Variants in NOVA1 observed in about 807,000 individuals in gnomAD.
NOVA1 encodes the protein NOVA alternative splicing regulator 1.
A neutral mutation model predicts 38.0 loss-of-function variants in NOVA1; 7 were observed. The observed-to-expected ratio is 0.18, with a 90% CI of 0.10 to 0.35. The LOEUF (loss-of-function observed/expected upper bound fraction) is 0.35, where lower values mean the gene tolerates loss of function less well. Among genes scored for constraint, NOVA1 ranks in the 10% least tolerant of loss-of-function variants. The probability of loss-of-function intolerance (pLI) is 1.00; values close to 1 mark genes in which losing one functional copy is unlikely to be tolerated. For missense variants in NOVA1, 460 were observed against 616.0 expected, an observed-to-expected ratio of 0.75 and a Z score of 2.68; for synonymous variants, 270 against 232.5, an observed-to-expected ratio of 1.16 and a Z score of -1.47.
chr14:26,474,386 T>C (rs1354535532), intron 3 of NOVA1, among the ~76,000 whole-genome samples: 1 of 152,016 alleles, frequency 6.6e-6, no homozygotes, highest in Non-Finnish European at 1.5e-5. Context: ...CAAAGAACCA[T>C]GTAGAAAAAG....
intron 4 of NOVA1, among the ~76,000 whole-genome samples, chr14:26,454,662 A>C (rs1291789478): frequency 6.6e-6 from 1 of 152,204 alleles, no homozygotes. Flanking sequence ...ACCAAAAAGT[A>C]CCTTTGAAAA....
intron 3 of NOVA1, among the ~76,000 whole-genome samples, chr14:26,478,093 T>C (rs1314815744): frequency 1.3e-5 from 2 of 151,922 alleles, no homozygotes; most frequent in Non-Finnish European, 2.9e-5. Context: ...AATAAATCAC[T>C]ATTATTTTTT....
chr14:26,468,920 A>G (rs1884366306), intron 4 of NOVA1, among the ~76,000 whole-genome samples: 1 of 152,196 alleles, frequency 6.6e-6, no homozygotes, highest in African/African-American at 2.4e-5. Flanking sequence ...GACTAAGGTT[A>G]AAACCAAAAT....
chr14:26,573,435 AT>A (rs1010163504), intron 2 of NOVA1, among the ~76,000 whole-genome samples: 3 of 152,126 alleles, frequency 2.0e-5, no homozygotes, highest in African/African-American at 7.2e-5. Flanking sequence ...TAAAGAAAGG[AT>A]TTAGCTTTTG....
chr14:26,594,008 A>T (rs1894021725), intron 2 of NOVA1: 1 of 151,874 alleles, frequency 6.6e-6, no homozygotes, highest in East Asian at 1.9e-4. Flanking sequence ...TTTTATTTGT[A>T]CTAAGGGTTT....
At chr14:26,512,508 T>A (rs1244183098) in intron 2 of NOVA1, among the ~76,000 whole-genome samples, 1 of 152,168 alleles carries the variant, frequency 6.6e-6, no homozygotes, top group Non-Finnish European at 1.5e-5. Flanking sequence ...TAATATAATA[T>A]TAAAACATCT....
At chr14:26,575,096 T>C (rs1892753313) in intron 2 of NOVA1, among the ~76,000 whole-genome samples, 1 of 152,228 alleles carries the variant, frequency 6.6e-6, no homozygotes, top group Non-Finnish European at 1.5e-5. Context: ...GGTTTTAACA[T>C]GTAATAACTG....
At chr14:26,537,511 TA>T (rs1180135296) in intron 2 of NOVA1, among the ~76,000 whole-genome samples, 2 of 151,938 alleles carry the variant, frequency 1.3e-5, no homozygotes, top group Admixed American at 1.3e-4. Flanking sequence ...ATTCTACATA[TA>T]AAAAGCCATA....
At position 26,536,256 on chromosome 14, in the gene NOVA1, CA is replaced by C. The variant is rs1424911599; in HGVS notation, c.281-56114del. ...GAGAAGGCGGGATGTTAAATGGGTA[CA>C]AAAAAAAAAAATAGAACGAATAAGA... On this transcript the variant is annotated intron_variant, in intron 2 of 4. Coordinates refer to ENST00000539517, the MANE Select transcript of NOVA1 (RefSeq NM_002515.3). Among the ~76,000 whole-genome samples, 1,045 of 110,124 alleles carry C rather than the reference CA, an allele frequency of 9.5e-3. 9 individuals carry two copies. The highest frequency in any genetic ancestry group is 0.028 in the African/African-American group (849 of 29,812). 72.2% of individuals were successfully genotyped at this position (110,124 alleles called of 152,430 possible).
intron 3 of NOVA1, among the ~76,000 whole-genome samples, chr14:26,473,783 C>T (rs914332754): frequency 5.3e-5 from 8 of 151,868 alleles, no homozygotes; most frequent in Non-Finnish European, 1.2e-4. Flanking sequence ...AGGAAACCTA[C>T]AATAGTGAGT....
chr14:26,571,057 G>A (rs1162261478), intron 2 of NOVA1, among the ~76,000 whole-genome samples: 1 of 151,956 alleles, frequency 6.6e-6, no homozygotes, highest in African/African-American at 2.4e-5. Flanking sequence ...AAAGGCTGGT[G>A]AAGAGCAATA....
intron 2 of NOVA1, among the ~76,000 whole-genome samples, chr14:26,490,856 T>G (rs1473707845): frequency 6.9e-6 from 1 of 144,848 alleles, no homozygotes; most frequent in East Asian, 2.0e-4. Flanking sequence ...TTTTTTTTTT[T>G]TTTTTTTTTT....
chr14:26,501,497 A>G (rs1887238974), intron 2 of NOVA1, among the ~76,000 whole-genome samples: 1 of 151,996 alleles, frequency 6.6e-6, no homozygotes, highest in African/African-American at 2.4e-5. Flanking sequence ...AATCACTGGA[A>G]GTGTGTTTAT....
rs1485157522 is a variant in NOVA1 at position 26,597,889 on chromosome 14, G to C, written c.-453C>G. 3 of 155,898 alleles carry C rather than the reference G, an allele frequency of 1.9e-5. No homozygotes were observed. 9.7% of individuals were successfully genotyped at this position (155,898 alleles called of 1,614,324 possible). On this transcript the variant is annotated 5_prime_UTR_variant, in exon 1 of 5. Coordinates refer to ENST00000539517, the MANE Select transcript of NOVA1 (RefSeq NM_002515.3). ...GGGAAAGAGTGAATGAGCAGGAGGA[G>C]GGGAAGGAGGTGGATGCCGAGAGAG...
At chr14:26,564,011 G>A (rs996871330) in intron 2 of NOVA1, among the ~76,000 whole-genome samples, 4 of 152,026 alleles carry the variant, frequency 2.6e-5, no homozygotes, top group Admixed American at 6.6e-5. Context: ...TTACAGATGA[G>A]AAAATAAAGT....
chr14:26,497,275 C>CAAGGAGA (rs1886889854), intron 2 of NOVA1, among the ~76,000 whole-genome samples: 1 of 152,074 alleles, frequency 6.6e-6, no homozygotes, highest in African/African-American at 2.4e-5. Context: ...AACTACAAAC[C>CAAGGAGA]ACTGCTCAAT....
Position 26,446,436 on chromosome 14 carries a change from C to T in NOVA1, c.*1523G>A, listed in dbSNP as rs1439237328. 6.6e-6 allele frequency: 1 copy of T among 152,656 alleles called. No individual in the cohort carries two copies. The highest frequency in any genetic ancestry group is 1.5e-5 in the Non-Finnish European group (1 of 68,078). The allele number at this position is 152,656 out of a possible 1,614,324, so 9.5% of individuals were successfully genotyped here. The stretch of plus-strand genomic sequence containing the variant: ...TGCACAGAAAGGAGCAGCTGGGATG[C>T]CATTTAGCTTGCTAGGATGGACGTA... On this transcript the variant is annotated 3_prime_UTR_variant, in exon 5 of 5. Transcript: ENST00000539517.
chr14:26,461,578 C>A (rs989554031), intron 4 of NOVA1, among the ~76,000 whole-genome samples: 3 of 151,904 alleles, frequency 2.0e-5, no homozygotes, highest in African/African-American at 7.3e-5. Context: ...GGGCAGGAAG[C>A]ACTTATTTAA....
intron 2 of NOVA1, among the ~76,000 whole-genome samples, chr14:26,549,993 T>C (rs1891066458): frequency 6.6e-6 from 1 of 152,204 alleles, no homozygotes; most frequent in Non-Finnish European, 1.5e-5. Flanking sequence ...ACAGATGGGC[T>C]GTCATTCATT....
Sources: gnomAD v4.1 joint callset for allele counts (sites outside exome capture counted in the v4.1 genomes callset) on GRCh38, gnomAD v4.1.1 for gene constraint, MANE v1.5 for transcripts, NCBI Gene and HGNC (gene_info 2026-07-23, HGNC 2026-07-21) for gene names.